Variants in IQCJ observed in about 807,000 individuals in gnomAD.
The protein encoded by IQCJ is IQ motif containing J, also known as IQ domain-containing protein J.
A neutral mutation model predicts 11.0 loss-of-function variants in IQCJ; 9 were observed. The ratio of observed to expected loss-of-function variants is 0.82; its 90% CI spans 0.49 to 1.43. IQCJ has a LOEUF of 1.43. Ranked by LOEUF, IQCJ falls within the 40% of genes most tolerant of loss-of-function variation. The pLI is 0.00. For synonymous variants in IQCJ, 55 were observed against 51.3 expected (o/e 1.07, Z -0.31); for missense variants, 146 against 133.2 (o/e 1.10, Z -0.47).
chr3:159,103,895 G>A (rs537313634), intron 1 of IQCJ, among the ~76,000 whole-genome samples: 13 of 152,260 alleles, frequency 8.5e-5, no homozygotes, highest in Non-Finnish European at 1.6e-4. Context: ...TGGAAATACT[G>A]CATTGGTTTA....
At chr3:159,090,211 T>A (rs1365849127) in intron 1 of IQCJ, among the ~76,000 whole-genome samples, 2 of 151,510 alleles carry the variant, frequency 1.3e-5, no homozygotes, top group Non-Finnish European at 2.9e-5. Context: ...TGCTGTGGGG[T>A]GCCTCCCGGT....
intron 1 of IQCJ, among the ~76,000 whole-genome samples, chr3:159,212,796 A>G (rs1725024779): frequency 6.6e-6 from 1 of 152,196 alleles, no homozygotes; most frequent in African/African-American, 2.4e-5. Context: ...AAGGGAAAAT[A>G]TTAAGCCAAC....
At chr3:159,109,941 A>T (rs1718521235) in intron 1 of IQCJ, among the ~76,000 whole-genome samples, 1 of 152,212 alleles carries the variant, frequency 6.6e-6, no homozygotes, top group African/African-American at 2.4e-5. Context: ...CGTATGGAGC[A>T]TCACTCCTAA....
intron 1 of IQCJ, among the ~76,000 whole-genome samples, chr3:159,079,082 T>A (rs1295985699): frequency 6.6e-6 from 1 of 151,970 alleles, no homozygotes; most frequent in Non-Finnish European, 1.5e-5. Context: ...CATTCCAGAG[T>A]GGGTGCCAAT....
intron 3 of IQCJ, 37 bp from the exon 4 acceptor site, chr3:159,262,511 T>A: frequency 6.2e-7 from 1 of 1,605,468 alleles, no homozygotes; most frequent in Non-Finnish European, 8.5e-7. Flanking sequence ...ACAGTAATCA[T>A]GTGTGTGCTG....
In IQCJ at chr3:159,245,898, C is replaced by T. The variant is rs755364278; in HGVS notation, c.65C>T (p.Ser22Leu). The T allele has an allele frequency of 1.3e-6, 2 of 1,538,236 alleles. No homozygotes were observed. The highest frequency in any genetic ancestry group is 2.4e-5 in the South Asian group (2 of 83,420). Residue 22 changes from serine to leucine, a missense_variant, in exon 2 of 4, where the codon TCA becomes TTA. Ser to Leu is a moderately radical substitution (Grantham distance 145). Coordinates refer to ENST00000397832, the MANE Select transcript of IQCJ (RefSeq NM_001042706.3). ...GAACAAGTTAATGATGGAAAATATT[C>T]ATTTGAAAAGTAAGTAAAAAGTATT... ...PLEQVNDGKY[S>L]FENHQLAMDA...
At chr3:159,076,498 G>A (rs1052730852) in intron 1 of IQCJ, among the ~76,000 whole-genome samples, 7 of 152,026 alleles carry the variant, frequency 4.6e-5, no homozygotes, top group Non-Finnish European at 1.0e-4. Context: ...CTGAAGTCTT[G>A]ATTTTCTTAT....
At chr3:159,250,922 C>T (rs1372432920) in intron 2 of IQCJ, among the ~76,000 whole-genome samples, 1 of 152,210 alleles carries the variant, frequency 6.6e-6, no homozygotes, top group East Asian at 1.9e-4. Flanking sequence ...GATTGTGGGA[C>T]CACAGGAACA....
At chr3:159,142,677 C>CAAA (rs1040325178) in intron 1 of IQCJ, among the ~76,000 whole-genome samples, 3 of 152,096 alleles carry the variant, frequency 2.0e-5, no homozygotes, top group African/African-American at 7.2e-5. Flanking sequence ...CTCAGCCTCC[C>CAAA]AAAGTGCTGG....
intron 1 of IQCJ, among the ~76,000 whole-genome samples, chr3:159,118,945 T>G (rs1340462540): frequency 6.6e-6 from 1 of 152,176 alleles, no homozygotes; most frequent in African/African-American, 2.4e-5. Context: ...AGCATGTTCT[T>G]AGAATGGAGT....
At chr3:159,204,429 C>T (rs1724531249) in intron 1 of IQCJ, among the ~76,000 whole-genome samples, 2 of 152,212 alleles carry the variant, frequency 1.3e-5, no homozygotes, top group African/African-American at 2.4e-5. Context: ...CACCTGGGCT[C>T]AGATGGCTAG....
intron 1 of IQCJ, among the ~76,000 whole-genome samples, chr3:159,129,112 TAGA>T (rs1180052175): frequency 1.3e-5 from 2 of 152,214 alleles, no homozygotes; most frequent in South Asian, 2.1e-4. Flanking sequence ...ATTTGGAAAA[TAGA>T]GGAGAAAACA....
At chr3:159,221,834 G>C (rs1438089579) in intron 1 of IQCJ, among the ~76,000 whole-genome samples, 1 of 149,432 alleles carries the variant, frequency 6.7e-6, no homozygotes, top group East Asian at 2.0e-4. Context: ...AAAAAAAAAA[G>C]AAAGAAATTG....
At position 159,109,082 on chromosome 3, in the gene IQCJ, A is replaced by G. The variant is rs139886351; in HGVS notation, c.9+39641A>G. ...TTACCAATGACAAGCCCTGAACTGAAAGCTCTAGACATGAGATCTCCAGGC... is the reference window on the plus strand; with the variant it reads ...TTACCAATGACAAGCCCTGAACTGAGAGCTCTAGACATGAGATCTCCAGGC... On this transcript the variant is annotated intron_variant, in intron 1 of 3. Transcript: ENST00000397832. 8.5e-5 allele frequency among the ~76,000 whole-genome samples: 13 copies of G among 152,298 alleles called. No homozygotes were observed. In the East Asian group the frequency reaches 2.5e-3, roughly 29 times the overall value.
intron 1 of IQCJ, among the ~76,000 whole-genome samples, chr3:159,076,438 CTGTT>C (rs1166586108): frequency 6.6e-6 from 1 of 152,082 alleles, no homozygotes; most frequent in African/African-American, 2.4e-5. Flanking sequence ...CTGGTAGGTT[CTGTT>C]TGTTAGCAAG....
chr3:159,210,627 A>G (rs1408619042), intron 1 of IQCJ, among the ~76,000 whole-genome samples: 1 of 152,198 alleles, frequency 6.6e-6, no homozygotes, highest in Non-Finnish European at 1.5e-5. Flanking sequence ...CAGTTACTTC[A>G]GTTGTATCAC....
chr3:159,254,720 C>G (rs1001664077), intron 3 of IQCJ, among the ~76,000 whole-genome samples: 3 of 152,114 alleles, frequency 2.0e-5, no homozygotes, highest in Non-Finnish European at 4.4e-5. Context: ...TTCCTTCTCC[C>G]TTCCCTCCTT....
chr3:159,244,655 G>C (rs943356630), intron 1 of IQCJ, among the ~76,000 whole-genome samples: 2 of 152,166 alleles, frequency 1.3e-5, no homozygotes, highest in Non-Finnish European at 2.9e-5. Context: ...ATGACAGACT[G>C]TAAAGGACCC....
chr3:159,249,522 C>A (rs1433609251), intron 2 of IQCJ, among the ~76,000 whole-genome samples: 1 of 152,144 alleles, frequency 6.6e-6, no homozygotes, highest in Non-Finnish European at 1.5e-5. Flanking sequence ...AGAAAACAAG[C>A]AGTGACCACC....
Sources: gnomAD v4.1 joint callset for allele counts (sites outside exome capture counted in the v4.1 genomes callset) on GRCh38, gnomAD v4.1.1 for gene constraint, MANE v1.5 for transcripts, NCBI Gene and HGNC (gene_info 2026-07-23, HGNC 2026-07-21) for gene names.